Variants in FGF13 observed in about 807,000 individuals in gnomAD.
FGF13 encodes fibroblast growth factor 13.
FGF13 carries 2 observed loss-of-function variants against 19.5 expected under a neutral mutation model. That is an observed-to-expected ratio of 0.10 (90% CI 0.04 to 0.32). The LOEUF is 0.32. Ranked by LOEUF, FGF13 falls within the 10% of genes least tolerant of loss-of-function variation. FGF13 has a pLI of 1.00. For missense variants in FGF13, 113 were observed against 192.7 expected (o/e 0.59, Z 2.45); for synonymous variants, 72 against 76.9 (o/e 0.94, Z 0.33).
At chrX:139,117,212 G>T (rs972900293) in intron 1 of FGF13, among the ~76,000 whole-genome samples, 1 of 111,345 alleles carries the variant, frequency 9.0e-6, no homozygotes, top group African/African-American at 3.3e-5. Flanking sequence ...ATTTTTATTT[G>T]TCACAACTGG....
At chrX:139,135,496 T>C (rs1425597621) in intron 1 of FGF13, among the ~76,000 whole-genome samples, 1 of 112,242 alleles carries the variant, frequency 8.9e-6, no homozygotes, top group Non-Finnish European at 1.9e-5. Flanking sequence ...TGTAAAAGCA[T>C]AATATCTATG....
intron 1 of FGF13, among the ~76,000 whole-genome samples, chrX:139,107,651 T>A (rs183897252): frequency 1.4e-4 from 16 of 110,529 alleles, no homozygotes; most frequent in Non-Finnish European, 2.5e-4. Context: ...GAGGGATGAC[T>A]TTGACCCCTC....
At chrX:138,942,061 C>T (rs764832781) in intron 1 of FGF13, among the ~76,000 whole-genome samples, 143 of 112,258 alleles carry the variant, frequency 1.3e-3, no homozygotes, top group Middle Eastern at 4.7e-3. Context: ...AAAATGCTGT[C>T]GTGCTCATCT....
chrX:138,939,486 G>A (rs773740445), intron 1 of FGF13, among the ~76,000 whole-genome samples: 3 of 111,049 alleles, frequency 2.7e-5, no homozygotes, highest in Non-Finnish European at 3.8e-5. Context: ...ACTGTGTGTC[G>A]GGAGGGTTTG....
chrX:139,137,082 C>G (rs1239025375), intron 1 of FGF13, among the ~76,000 whole-genome samples: 2 of 112,006 alleles, frequency 1.8e-5, no homozygotes, highest in East Asian at 5.6e-4. Flanking sequence ...TATCCCATGA[C>G]TTTTCACAAT....
chrX:138,943,651 T>C lies in FGF13; in HGVS notation c.-112-79001A>G, dbSNP rs765974270. On this transcript the variant is annotated intron_variant, in intron 1 of 2. Coordinates refer to the FGF13 transcript ENST00000421460. ...AATTGAATAGCTAAGTGGATCTTCA[T>C]CTAGAAGGACTGAGAATGAACTATC... Among the ~76,000 whole-genome samples, 65 of 111,969 alleles carry C rather than the reference T, an allele frequency of 5.8e-4. 1 individual carries two copies. The highest frequency in any genetic ancestry group is 1.9e-3 in the African/African-American group (60 of 30,816).
chrX:138,655,169 G>C (rs755299642), intron 3 of FGF13, among the ~76,000 whole-genome samples: 1 of 112,112 alleles, frequency 8.9e-6, no homozygotes, highest in Non-Finnish European at 1.9e-5. Flanking sequence ...TTGTCAAACT[G>C]TTGCTCTGCA....
intron 3 of FGF13, among the ~76,000 whole-genome samples, chrX:138,685,942 T>G (rs949467373): frequency 9.1e-6 from 1 of 109,567 alleles, no homozygotes; most frequent in African/African-American, 3.3e-5. Context: ...ATATACTAAA[T>G]GAAATGCTGT....
intron 1 of FGF13, among the ~76,000 whole-genome samples, chrX:139,046,695 C>G (rs1434599581): frequency 9.0e-6 from 1 of 111,482 alleles, no homozygotes; most frequent in Admixed American, 9.5e-5. Context: ...ATTTCTCCAC[C>G]TCTTGAATTT....
At chrX:138,746,411 G>T (rs991936910) in intron 3 of FGF13, among the ~76,000 whole-genome samples, 8 of 109,832 alleles carry the variant, frequency 7.3e-5, no homozygotes, top group African/African-American at 1.0e-4. Flanking sequence ...CTAGATCATT[G>T]TCTATAAAAA....
intron 2 of FGF13, among the ~76,000 whole-genome samples, chrX:138,708,508 T>C (rs1210084413): frequency 1.8e-5 from 2 of 111,859 alleles, no homozygotes; most frequent in East Asian, 5.7e-4. Context: ...GATCAGTGTG[T>C]GGGTGAGTAA....
intron 1 of FGF13, among the ~76,000 whole-genome samples, chrX:139,138,767 T>C (rs2083818922): frequency 1.8e-5 from 2 of 111,096 alleles, no homozygotes; most frequent in South Asian, 7.7e-4. Flanking sequence ...GGCAACCTTT[T>C]TAAAATGATT....
intron 3 of FGF13, among the ~76,000 whole-genome samples, chrX:138,831,473 G>C (rs151298866): frequency 1.8e-3 from 198 of 111,742 alleles, no homozygotes; most frequent in African/African-American, 6.3e-3. Context: ...CCCAACCTCA[G>C]TGTATCCAAG....
At chrX:138,960,445 C>T (rs1448919353) in intron 1 of FGF13, among the ~76,000 whole-genome samples, 4 of 111,688 alleles carry the variant, frequency 3.6e-5, no homozygotes, top group Non-Finnish European at 7.5e-5. Context: ...TCTCTGGCTG[C>T]CCTTAACATT....
At chrX:138,960,040 ATG>A (rs1339410966) in intron 1 of FGF13, among the ~76,000 whole-genome samples, 1 of 111,796 alleles carries the variant, frequency 8.9e-6, no homozygotes, top group Non-Finnish European at 1.9e-5. Context: ...TAATATTGTT[ATG>A]TGTGAATTTG....
chrX:139,168,625 G>A (rs5974803), intron 1 of FGF13, among the ~76,000 whole-genome samples: 38 of 111,542 alleles, frequency 3.4e-4, no homozygotes, highest in Admixed American at 9.6e-4. Flanking sequence ...AGTTATTCAC[G>A]CCAAATTCAG....
chrX:138,653,918 T>A (rs1243791290), intron 3 of FGF13, among the ~76,000 whole-genome samples: 1 of 112,041 alleles, frequency 8.9e-6, no homozygotes, highest in Non-Finnish European at 1.9e-5. Flanking sequence ...ATTACATGCC[T>A]TTAAAAAAAT....
intron 1 of FGF13, among the ~76,000 whole-genome samples, chrX:139,011,370 A>C (rs1221901117): frequency 2.7e-5 from 3 of 109,404 alleles, no homozygotes; most frequent in East Asian, 5.7e-4. Flanking sequence ...ACAAAAAAAA[A>C]AAAAAAAAAA....
intron 3 of FGF13, among the ~76,000 whole-genome samples, chrX:138,763,907 A>G (rs967487572): frequency 1.8e-5 from 2 of 111,441 alleles, no homozygotes; most frequent in Non-Finnish European, 3.8e-5. Context: ...AAGTGCTCAC[A>G]CACCAGCTGG....
Sources: gnomAD v4.1 joint callset for allele counts (sites outside exome capture counted in the v4.1 genomes callset) on GRCh38, gnomAD v4.1.1 for gene constraint, MANE v1.5 for transcripts, NCBI Gene and HGNC (gene_info 2026-07-23, HGNC 2026-07-21) for gene names.